REPS2: variants seen among roughly 807,000 people sequenced by gnomAD.
REPS2 encodes the protein ralBP1-associated Eps domain-containing protein 2.
A neutral mutation model predicts 53.6 loss-of-function variants in REPS2; 23 were observed. The observed-to-expected ratio is 0.43, with a 90% CI of 0.31 to 0.61. The LOEUF (loss-of-function observed/expected upper bound fraction) is 0.61. Among genes scored for constraint, REPS2 ranks in the 20% least tolerant of loss-of-function variants. The probability of loss-of-function intolerance (pLI) is 0.11; values close to 1 mark genes in which losing one functional copy is unlikely to be tolerated. For synonymous variants in REPS2, 238 were observed against 218.6 expected (o/e 1.09, Z -0.78); for missense variants, 446 against 534.9 (o/e 0.83, Z 1.64).
At chrX:17,071,824 A>G (rs1387734075) in intron 11 of REPS2, among the ~76,000 whole-genome samples, 1 of 111,923 alleles carries the variant, frequency 8.9e-6, no homozygotes, top group Admixed American at 9.5e-5. Flanking sequence ...TGTTCTAGGA[A>G]GGTGGCAGTC....
intron 9 of REPS2, among the ~76,000 whole-genome samples, chrX:17,065,307 A>G (rs746546742): frequency 1.7e-4 from 19 of 112,534 alleles, no homozygotes; most frequent in African/African-American, 4.2e-4. Flanking sequence ...TTTTGATTTT[A>G]GACACCCTAG....
chrX:17,181,169 CA>C, the REPS2 span, among the ~76,000 whole-genome samples: 1 of 112,685 alleles, frequency 8.9e-6, no homozygotes, highest in African/African-American at 3.2e-5. Flanking sequence ...GCTCCTCCCT[CA>C]CCCCCCTAGG....
At chrX:16,965,143 C>T (rs1301091622) in intron 1 of REPS2, among the ~76,000 whole-genome samples, 5 of 81,307 alleles carry the variant, frequency 6.1e-5, no homozygotes, top group African/African-American at 2.3e-4. Context: ...GGGGGGCTGA[C>T]CCCCCCACCT....
intron 17 of REPS2, 51 bp downstream of exon 17, chrX:17,139,012 A>G: frequency 1.2e-6 from 1 of 862,461 alleles, no homozygotes; most frequent in Non-Finnish European, 1.6e-6. Flanking sequence ...CTGGCTTTTA[A>G]AAAGCTTTTT....
intron 14 of REPS2, among the ~76,000 whole-genome samples, chrX:17,115,553 C>G (rs1369697003): frequency 9.0e-6 from 1 of 111,466 alleles, no homozygotes; most frequent in African/African-American, 3.3e-5. Flanking sequence ...TCAGCACAGA[C>G]CCTTTACGGG....
Position 17,150,543 on chromosome X carries a change from A to G in REPS2, c.*3062A>G, listed in dbSNP as rs2063560065. On this transcript the variant is annotated 3_prime_UTR_variant, in exon 18 of 18. Coordinates refer to ENST00000357277, the MANE Select transcript of REPS2 (RefSeq NM_004726.3). The stretch of plus-strand genomic sequence containing the variant: ...GGAATGAATGTATATGTTGTAATTG[A>G]GGCAGATATTTGCCTTAATTGGAAG... 8.8e-6 allele frequency: 1 copy of G among 113,106 alleles called. No individual in the cohort carries two copies. Among genetic ancestry groups the G allele is most frequent in the Non-Finnish European group, 1.9e-5 (1 of 53,421 alleles). 9.3% of individuals were successfully genotyped at this position (113,106 alleles called of 1,213,427 possible). A position where few individuals can be genotyped will look rare whatever the true frequency, so the allele number is the denominator to read the frequency against.
chrX:17,191,784 T>C, the REPS2 span, among the ~76,000 whole-genome samples: 2 of 112,578 alleles, frequency 1.8e-5, no homozygotes, highest in South Asian at 7.4e-4. Context: ...AAAGGCAACA[T>C]ACTGTGTGAT....
At chrX:17,130,256 C>A (rs2063273756) in intron 14 of REPS2, among the ~76,000 whole-genome samples, 1 of 111,480 alleles carries the variant, frequency 9.0e-6, no homozygotes, top group African/African-American at 3.3e-5. Flanking sequence ...TCCTGGACAG[C>A]TTTGCTTGGT....
At chrX:16,960,428 C>G (rs759053603) in intron 1 of REPS2, among the ~76,000 whole-genome samples, 2 of 112,118 alleles carry the variant, frequency 1.8e-5, no homozygotes, top group Non-Finnish European at 3.8e-5. Context: ...TAGCATTTGA[C>G]AAAGTTCAAC....
chrX:16,961,933 A>G (rs2060667135), intron 1 of REPS2, among the ~76,000 whole-genome samples: 2 of 112,141 alleles, frequency 1.8e-5, no homozygotes, highest in South Asian at 7.4e-4. Context: ...AATCAAAACC[A>G]CTATGAGATA....
chrX:16,953,096 AACAAACACACACACACAC>A (rs1292402137), intron 1 of REPS2, among the ~76,000 whole-genome samples: 6 of 89,797 alleles, frequency 6.7e-5, no homozygotes, highest in East Asian at 7.2e-4. Context: ...CAAACCAAAA[AACAAACACACACACACAC>A]ACACACACAC....
At chrX:17,037,466 G>A (rs975562419) in intron 5 of REPS2, among the ~76,000 whole-genome samples, 2 of 112,109 alleles carry the variant, frequency 1.8e-5, no homozygotes, top group African/African-American at 3.2e-5. Context: ...GCGCCACTGC[G>A]CCTGGCTATT....
At chrX:16,968,952 G>GC (rs1305951903) in intron 1 of REPS2, among the ~76,000 whole-genome samples, 12 of 109,812 alleles carry the variant, frequency 1.1e-4, no homozygotes, top group Middle Eastern at 4.8e-3. Context: ...GGGCGGAGGG[G>GC]CCCCTCACTT....
At chrX:17,079,324 C>T (rs911336645) in intron 13 of REPS2, among the ~76,000 whole-genome samples, 6 of 111,706 alleles carry the variant, frequency 5.4e-5, no homozygotes, top group Admixed American at 9.5e-5. Flanking sequence ...GGATAACACC[C>T]CGACTTCCTT....
chrX:16,989,691 A>G (rs1336037102), intron 1 of REPS2, among the ~76,000 whole-genome samples: 1 of 112,696 alleles, frequency 8.9e-6, no homozygotes, highest in Non-Finnish European at 1.9e-5. Flanking sequence ...GATGTTCAAC[A>G]TAATTAGCCA....
rs1037801465 is a variant in REPS2, at chrX:16,946,995, G to A, written c.134G>A (p.Cys45Tyr). The change falls in exon 1 of 18, where the codon TGT (cysteine) becomes TAT (tyrosine). Residue 45 changes from cysteine (C) to tyrosine (Y), a missense_variant. Transcript: ENST00000357277. Reference protein sequence around the residue: ...QQCYSELFARCAGAAGGGPGS... With the variant: ...QQCYSELFARYAGAAGGGPGS... ...TGCTACTCCGAGCTCTTCGCGCGCTGTGCCGGCGCCGCGGGCGGGGGCCCC... is the reference window on the plus strand; with the variant it reads ...TGCTACTCCGAGCTCTTCGCGCGCTATGCCGGCGCCGCGGGCGGGGGCCCC... The A allele has an allele frequency of 6.5e-6, 6 of 930,049 alleles. No homozygotes were observed. The African/African-American group carries it at 1.1e-4, about 16-fold the overall frequency. 76.6% of individuals were successfully genotyped at this position (930,049 alleles called of 1,213,427 possible).
At chrX:17,158,040 C>A (rs1300996473), downstream of REPS2, among the ~76,000 whole-genome samples, 1 of 111,941 alleles carries the variant, frequency 8.9e-6, no homozygotes, top group Non-Finnish European at 1.9e-5. Context: ...ATGTCAGATT[C>A]CTTGAGAGAG....
intron 1 of REPS2, among the ~76,000 whole-genome samples, chrX:16,973,034 T>G (rs1276655772): frequency 8.9e-6 from 1 of 111,972 alleles, no homozygotes; most frequent in Non-Finnish European, 1.9e-5. Flanking sequence ...CTCATCCAGT[T>G]TGTAATAATT....
chrX:17,138,351 C>T (rs1415071541), intron 16 of REPS2: 1 of 113,058 alleles, frequency 8.8e-6, no homozygotes, highest in Admixed American at 9.3e-5. Flanking sequence ...TTTATGCACA[C>T]ACACACATAT....
Sources: gnomAD v4.1 joint callset for allele counts (sites outside exome capture counted in the v4.1 genomes callset) on GRCh38, gnomAD v4.1.1 for gene constraint, MANE v1.5 for transcripts, NCBI Gene and HGNC (gene_info 2026-07-23, HGNC 2026-07-21) for gene names.